The following FBXO47 variants were observed in gnomAD, a reference collection of about 807,000 sequenced individuals.
FBXO47 encodes F-box only protein 47.
In FBXO47, 34 loss-of-function variants were observed where a neutral mutation model predicts 53.9. That is an observed-to-expected ratio of 0.63 (90% CI 0.48 to 0.84). The LOEUF (loss-of-function observed/expected upper bound fraction) is 0.84, where lower values mean the gene tolerates loss of function less well. Among genes scored for constraint, FBXO47 ranks in the 40% least tolerant of loss-of-function variants. The probability of loss-of-function intolerance (pLI) is 0.00; values close to 1 mark genes in which losing one functional copy is unlikely to be tolerated. For missense variants in FBXO47, 485 were observed against 541.3 expected, an observed-to-expected ratio of 0.90 and a Z score of 1.03; for synonymous variants, 165 against 181.6, an observed-to-expected ratio of 0.91 and a Z score of 0.73.
At chr17:38,950,343 T>C (rs1225747446) in intron 6 of FBXO47, among the ~76,000 whole-genome samples, 1 of 152,110 alleles carries the variant, frequency 6.6e-6, no homozygotes, top group African/African-American at 2.4e-5. Context: ...TTGCAGCATA[T>C]ACCATATTTT....
chr17:38,946,351 AATATATATAAATATATAGAT>A (rs1567716619), intron 6 of FBXO47, among the ~76,000 whole-genome samples: 3 of 46,268 alleles, frequency 6.5e-5, no homozygotes, highest in Non-Finnish European at 1.1e-4. Context: ...TAAATATATA[AATATATATAAATATATAGAT>A]ATATATATAA....
chr17:38,961,767 C>T, intron 3 of FBXO47, 110 bp downstream of exon 3: 2 of 889,946 alleles, frequency 2.2e-6, no homozygotes. Flanking sequence ...TAGAAACAGG[C>T]ATATTTTGGA....
chr17:38,959,707 T>G (rs1905733803), intron 3 of FBXO47, among the ~76,000 whole-genome samples: 2 of 151,330 alleles, frequency 1.3e-5, no homozygotes. Flanking sequence ...GAGTGCATTT[T>G]CACAATTGAC....
rs1426353506 is a variant in FBXO47 at position 38,938,669 on chromosome 17, CTT to C, written c.1145_1146del (p.Lys382SerfsTer3). On this transcript the variant is annotated frameshift_variant, in exon 10 of 11. Coordinates refer to ENST00000378079, the MANE Select transcript of FBXO47 (RefSeq NM_001008777.3). LOFTEE classifies it high-confidence loss of function. The part of the protein sequence containing the change: ...WTVKMMQKVC[K>X]VFSTPVERKN... Reference sequence around the variant, plus strand: ...TTTCTTTCCACTGGAGTGCTAAAGACTTTGCAGACTTTTTGCATCATTTTAAC... The same window carrying C: ...TTTCTTTCCACTGGAGTGCTAAAGACTGCAGACTTTTTGCATCATTTTAAC... The C allele has an allele frequency of 3.1e-6, 5 of 1,613,504 alleles. No individual in the cohort carries two copies. The African/African-American group carries it at 5.3e-5, about 17-fold the overall frequency.
intron 6 of FBXO47, among the ~76,000 whole-genome samples, chr17:38,946,478 CTATA>C (rs1489334875): frequency 1.5e-4 from 9 of 60,550 alleles, no homozygotes; most frequent in African/African-American, 7.9e-4. Flanking sequence ...ATATATATAA[CTATA>C]TAAATATATA....
At chr17:38,945,161 T>A in intron 6 of FBXO47, 25 bp from the exon 7 acceptor site, 1 of 1,550,888 alleles carries the variant, frequency 6.4e-7, no homozygotes, top group Non-Finnish European at 8.9e-7. Flanking sequence ...GAATTGTAAA[T>A]CATTCTTCGT....
rs1386479865 is a variant in FBXO47, at chr17:38,939,824, C to T, written c.1084-1092G>A. Among the ~76,000 whole-genome samples the T allele has an allele frequency of 6.0e-5, 9 of 150,090 alleles. 1 individual carries two copies. Among genetic ancestry groups the T allele is most frequent in the East Asian group, 1.9e-4 (1 of 5,156 alleles). On this transcript the variant is annotated intron_variant, in intron 9 of 10. Coordinates refer to ENST00000378079, the MANE Select transcript of FBXO47 (RefSeq NM_001008777.3). ...CTGGGACTACAGGCGCCCGCCACCG[C>T]GCCCGGCTAATTTTTTGTATTTTTA...
intron 6 of FBXO47, among the ~76,000 whole-genome samples, 189 bp downstream of exon 6, chr17:38,951,392 C>T (rs534066892): frequency 2.2e-4 from 33 of 151,974 alleles, no homozygotes; most frequent in African/African-American, 8.0e-4. Context: ...CAAGGTCTCG[C>T]TATGTTGCCT....
rs148083998 is a variant in FBXO47 at position 38,962,849 on chromosome 17, C to T, written c.177G>A (p.Leu59=). The T allele has an allele frequency of 3.1e-6, 5 of 1,608,634 alleles. No individual in the cohort carries two copies. Among genetic ancestry groups the T allele is most frequent in the Non-Finnish European group, 4.2e-6 (5 of 1,176,974 alleles). The stretch of plus-strand genomic sequence containing the variant: ...TCATAAGTTCCCAAACCTCACCTGA[C>T]AAATATTTTAAAATTATCTGGAATA... The part of the protein sequence containing the change: ...LEIFQIILKY[L]SVKDISMLSM... The change falls in exon 2 of 11, where the codon TTG becomes TTA. Residue 59 remains leucine, a synonymous_variant. Coordinates refer to ENST00000378079, the MANE Select transcript of FBXO47 (RefSeq NM_001008777.3).
Position 38,944,950 on chromosome 17 carries a change from G to A in FBXO47, c.793+10C>T. 1 of 1,609,740 alleles carries A rather than the reference G, an allele frequency of 6.2e-7. No homozygotes were observed. Among genetic ancestry groups the A allele is most frequent in the Non-Finnish European group, 8.5e-7 (1 of 1,176,984 alleles). Reference sequence around the variant, plus strand: ...CAGTTATGTTACAACCCTGAAAGATGGGTGCTCACCATCTTGAGGAGATAT... The same window carrying A: ...CAGTTATGTTACAACCCTGAAAGATAGGTGCTCACCATCTTGAGGAGATAT... On this transcript the variant is annotated intron_variant, in intron 7 of 10. Transcript: ENST00000378079.
At chr17:38,952,952 C>G (rs1214284679) in intron 5 of FBXO47, among the ~76,000 whole-genome samples, 1 of 151,082 alleles carries the variant, frequency 6.6e-6, no homozygotes, top group Non-Finnish European at 1.5e-5. Flanking sequence ...CTACGCCTGG[C>G]TATTTATGAC....
intron 1 of FBXO47, among the ~76,000 whole-genome samples, chr17:38,963,567 C>A (rs1391227612): frequency 6.6e-6 from 1 of 151,974 alleles, no homozygotes; most frequent in African/African-American, 2.4e-5. Context: ...AAAGTCAGTA[C>A]TCAGTTTTAA....
intron 6 of FBXO47, among the ~76,000 whole-genome samples, chr17:38,946,853 A>ATATATATAAATATATAAAC (rs1598141415): frequency 1.7e-5 from 2 of 115,534 alleles, no homozygotes; most frequent in East Asian, 4.8e-4. Context: ...AACATATAAA[A>ATATATATAAATATATAAAC]ATATATATAA....
chr17:38,952,599 T>C (rs1329383336), intron 5 of FBXO47, among the ~76,000 whole-genome samples: 1 of 151,948 alleles, frequency 6.6e-6, no homozygotes, highest in Non-Finnish European at 1.5e-5. Context: ...ATTTGTTTGT[T>C]TGAGAAGGTT....
At chr17:38,949,485 T>C (rs1905114177) in intron 6 of FBXO47, among the ~76,000 whole-genome samples, 1 of 152,018 alleles carries the variant, frequency 6.6e-6, no homozygotes, top group Non-Finnish European at 1.5e-5. Context: ...AAACCATTCA[T>C]GCACAAGTTT....
At chr17:38,960,274 A>G (rs903395075) in intron 3 of FBXO47, among the ~76,000 whole-genome samples, 2 of 152,042 alleles carry the variant, frequency 1.3e-5, no homozygotes, top group African/African-American at 2.4e-5. Context: ...CTCAAAAAAA[A>G]AAATAGTGAA....
At chr17:38,948,102 TCC>T (rs1905030094) in intron 6 of FBXO47, among the ~76,000 whole-genome samples, 2 of 151,748 alleles carry the variant, frequency 1.3e-5, no homozygotes, top group Non-Finnish European at 2.9e-5. Flanking sequence ...CAAAAAGACA[TCC>T]TGTTCTTTTT....
At chr17:38,949,449 C>CAA (rs1226541374) in intron 6 of FBXO47, among the ~76,000 whole-genome samples, 26 of 150,218 alleles carry the variant, frequency 1.7e-4, no homozygotes, top group African/African-American at 5.5e-4. Flanking sequence ...CAAAACAAAA[C>CAA]AACAATAACA....
At chr17:38,942,990 C>T (rs535514564) in intron 8 of FBXO47, 70 bp from the exon 9 acceptor site, 19 of 1,249,794 alleles carry the variant, frequency 1.5e-5, no homozygotes, top group East Asian at 2.4e-5. Context: ...CCATTAAGTA[C>T]ATGCAATATT....
Sources: allele counts gnomAD v4.1 joint callset (sites outside exome capture counted in the v4.1 genomes callset), GRCh38; gene constraint gnomAD v4.1.1; transcripts MANE v1.5; gene names NCBI Gene and HGNC (gene_info 2026-07-23, HGNC 2026-07-21).